CEP192: variants seen among roughly 807,000 people sequenced by gnomAD.
CEP192 encodes the protein centrosomal protein 192.
In CEP192, 151 loss-of-function variants were observed where a neutral mutation model predicts 271.8. The ratio of observed to expected loss-of-function variants is 0.56; its 90% CI spans 0.49 to 0.64. The LOEUF is 0.64. Among genes scored for constraint, CEP192 ranks in the 30% least tolerant of loss-of-function variants. The pLI, the probability that CEP192 is intolerant of heterozygous loss-of-function variation, is 0.00. For missense variants in CEP192, 2,910 were observed against 3,020.5 expected, an observed-to-expected ratio of 0.96 and a Z score of 0.86; for synonymous variants, 995 against 1,076.5, an observed-to-expected ratio of 0.92 and a Z score of 1.48.
intron 21 of CEP192, among the ~76,000 whole-genome samples, chr18:13,059,686 G>GA (rs2037304557): frequency 6.6e-6 from 1 of 152,056 alleles, no homozygotes; most frequent in Non-Finnish European, 1.5e-5. Flanking sequence ...CCTATTTTCT[G>GA]GAAGCCAAAG....
At chr18:13,001,850 G>C (rs1180649580) in intron 3 of CEP192, among the ~76,000 whole-genome samples, 1 of 151,994 alleles carries the variant, frequency 6.6e-6, no homozygotes, top group Non-Finnish European at 1.5e-5. Context: ...ATTACAGGCA[G>C]GTGCCACCAA....
chr18:13,091,342 G>T (rs1013088256), intron 33 of CEP192, among the ~76,000 whole-genome samples: 4 of 152,164 alleles, frequency 2.6e-5, no homozygotes, highest in Admixed American at 2.6e-4. Flanking sequence ...TAGGACTCAG[G>T]CCAGGTCTTT....
At chr18:13,100,548 G>A in intron 38 of CEP192, 36 bp downstream of exon 38, 1 of 1,460,890 alleles carries the variant, frequency 6.8e-7, no homozygotes, top group Non-Finnish European at 9.6e-7. Flanking sequence ...TCAAATGTCT[G>A]CTGATATATT....
intron 28 of CEP192, 50 bp from the exon 29 acceptor site, chr18:13,072,705 A>G (rs2038073640): frequency 8.2e-7 from 1 of 1,216,942 alleles, no homozygotes; most frequent in Non-Finnish European, 1.2e-6. Context: ...TTATAATGGT[A>G]GCAATATCCA....
rs370577612 is a variant in CEP192, at chr18:13,087,595, C to G, written c.5942C>G (p.Ser1981Ter). 3 of 1,582,898 alleles carry G rather than the reference C, an allele frequency of 1.9e-6. No individual in the cohort carries two copies. The highest frequency in any genetic ancestry group is 2.7e-5 in the African/African-American group (2 of 73,804). Residue 1981 changes from serine to a stop codon, truncating the protein, a stop_gained, in exon 32 of 45, where the codon TCA becomes TGA. Transcript: ENST00000506447. LOFTEE classifies it high-confidence loss of function. Reference sequence around the variant, plus strand: ...AATAATAAAACTGCAACAGAACTATCAACTGTATACTTATTTGGTGGAGAT... The same window carrying G: ...AATAATAAAACTGCAACAGAACTATGAACTGTATACTTATTTGGTGGAGAT... ...GINNKTATEL[S>*]TVYLFGGDEI...
At chr18:13,070,858 C>T (rs2037974585) in intron 27 of CEP192, among the ~76,000 whole-genome samples, 181 bp from the exon 28 acceptor site, 1 of 152,228 alleles carries the variant, frequency 6.6e-6, no homozygotes. Context: ...CCCCCCTGTG[C>T]AGATGCCATT....
chr18:13,082,285 G>A (rs2038653864), intron 30 of CEP192, among the ~76,000 whole-genome samples: 1 of 152,082 alleles, frequency 6.6e-6, no homozygotes, highest in Non-Finnish European at 1.5e-5. Context: ...GAATCTGGGT[G>A]CTCCTGTATT....
intron 17 of CEP192, among the ~76,000 whole-genome samples, chr18:13,050,181 T>G (rs2036703431): frequency 6.6e-6 from 1 of 152,200 alleles, no homozygotes; most frequent in Non-Finnish European, 1.5e-5. Context: ...ACTTTGTATC[T>G]TAACTGTTTT....
At position 13,072,759 on chromosome 18, in the gene CEP192, C is replaced by A; in HGVS notation, c.5353C>A (p.Gln1785Lys). ...AAAATGTCTAATTGTTTTTAGGCTT[C>A]AGAAACTAGCTTTAAGAAATAATTC... ...GGVPLGRTQL[Q>K]KLALRNNSAS... Residue 1785 changes from glutamine to lysine, a missense_variant, in exon 29 of 45, where the codon CAG becomes AAG. By Grantham distance (53) the Gln-to-Lys change is moderately conservative. Transcript: ENST00000506447. 6.3e-7 allele frequency: 1 copy of A among 1,597,512 alleles called. No homozygotes were observed. The highest frequency in any genetic ancestry group is 8.6e-7 in the Non-Finnish European group (1 of 1,165,108).
At position 13,100,470 on chromosome 18, in the gene CEP192, A is replaced by C. The variant is rs372156742; in HGVS notation, c.6829A>C (p.Lys2277Gln). 6.2e-7 allele frequency: 1 copy of C among 1,613,938 alleles called. No individual in the cohort carries two copies. Among genetic ancestry groups the C allele is most frequent in the Non-Finnish European group, 8.5e-7 (1 of 1,179,998 alleles). ...TTCCACAAAAGTTGAAATAAGAAAC[A>C]AGAGTATTACTTTTCCTACAACAGA... The part of the protein sequence containing the change: ...PPSTKVEIRN[K>Q]SITFPTTEPG... The change falls in exon 38 of 45, where the codon AAG becomes CAG. Residue 2277 changes from lysine to glutamine, a missense_variant. Lys to Gln is a moderately conservative substitution (Grantham distance 53). Coordinates refer to ENST00000506447, the MANE Select transcript of CEP192 (RefSeq NM_032142.4).
At position 13,116,465 on chromosome 18, in the gene CEP192, A is replaced by C. The variant is rs1255998108; in HGVS notation, c.7378A>C (p.Lys2460Gln). The change falls in exon 43 of 45, where the codon AAA (lysine) becomes CAA (glutamine). Residue 2460 changes from lysine to glutamine, a missense_variant. Transcript: ENST00000506447. ...PTSVGESRTL[K>Q]VNLRNNSFIT... The stretch of plus-strand genomic sequence containing the variant: ...TAGTGTGGGGGAATCACGGACACTT[A>C]AAGTCAATCTGCGAAATAATTCTTT... 6.2e-7 allele frequency: 1 copy of C among 1,610,550 alleles called. No homozygotes were observed. The highest frequency in any genetic ancestry group is 1.1e-5 in the South Asian group (1 of 89,968).
intron 14 of CEP192, among the ~76,000 whole-genome samples, chr18:13,041,463 T>TA (rs1455061473): frequency 2.0e-5 from 3 of 152,164 alleles, no homozygotes; most frequent in Admixed American, 2.0e-4. Context: ...AGAGCCTGTA[T>TA]TCTAGTAGGG....
At chr18:13,064,721 T>C (rs2037598670) in intron 21 of CEP192, among the ~76,000 whole-genome samples, 1 of 152,190 alleles carries the variant, frequency 6.6e-6, no homozygotes, top group African/African-American at 2.4e-5. Flanking sequence ...ACCATGCTGT[T>C]TTGGTTACTG....
At chr18:13,052,608 A>G (rs528760755) in intron 17 of CEP192, among the ~76,000 whole-genome samples, 5 of 152,202 alleles carry the variant, frequency 3.3e-5, no homozygotes, top group African/African-American at 1.2e-4. Flanking sequence ...GAGGGTTGGA[A>G]TCTTCTGTTC....
chr18:13,105,046 T>A lies in CEP192; in HGVS notation c.7014T>A (p.Ile2338=). The A allele has an allele frequency of 4.3e-6, 7 of 1,614,102 alleles. No homozygotes were observed. Among genetic ancestry groups the A allele is most frequent in the Non-Finnish European group, 5.9e-6 (7 of 1,179,900 alleles). ...ATYAAFRCSP[I]SGLLESHGIQ... ...ATGCAGCATTCAGATGTTCTCCTATTTCTGGTCTGCTGGAAAGCCATGGGA... is the reference window on the plus strand; with the variant it reads ...ATGCAGCATTCAGATGTTCTCCTATATCTGGTCTGCTGGAAAGCCATGGGA... The change falls in exon 40 of 45, where the codon ATT becomes ATA. Residue 2338 remains isoleucine (I), a synonymous_variant. Coordinates refer to ENST00000506447, the MANE Select transcript of CEP192 (RefSeq NM_032142.4).
chr18:13,095,440 C>T, intron 34 of CEP192, 63 bp from the exon 35 acceptor site: 1 of 1,286,606 alleles, frequency 7.8e-7, no homozygotes, highest in Non-Finnish European at 1.1e-6. Flanking sequence ...GGCCTTTTAT[C>T]ATTTTTAACT....
At chr18:13,068,716 A>G (rs1241401351) in intron 24 of CEP192, 136 bp from the exon 25 acceptor site, 4 of 812,448 alleles carry the variant, frequency 4.9e-6, no homozygotes, top group African/African-American at 1.7e-5. Flanking sequence ...ACTCATTTCT[A>G]TTCTTTTAAC....
intron 35 of CEP192, 86 bp downstream of exon 35, chr18:13,095,767 C>G: frequency 8.7e-7 from 1 of 1,148,196 alleles, no homozygotes; most frequent in Non-Finnish European, 1.2e-6. Flanking sequence ...ATCCAAGACA[C>G]ACATGGGCTC....
intron 4 of CEP192, among the ~76,000 whole-genome samples, chr18:13,011,948 G>T (rs1330673295): frequency 6.6e-6 from 1 of 152,198 alleles, no homozygotes; most frequent in East Asian, 1.9e-4. Flanking sequence ...ATGGCCACAT[G>T]AGTGGAGTAT....
Sources: allele counts gnomAD v4.1 joint callset (sites outside exome capture counted in the v4.1 genomes callset), GRCh38; gene constraint gnomAD v4.1.1; transcripts MANE v1.5; gene names NCBI Gene and HGNC (gene_info 2026-07-23, HGNC 2026-07-21).